Variants in AKAP13 observed in about 807,000 individuals in gnomAD.
AKAP13 encodes A-kinase anchor protein 13.
AKAP13 carries 80 observed loss-of-function variants against 264.5 expected under a neutral mutation model. The ratio of observed to expected loss-of-function variants is 0.30; its 90% CI spans 0.25 to 0.36. AKAP13 has a LOEUF of 0.36. Among genes scored for constraint, AKAP13 ranks in the 10% least tolerant of loss-of-function variants. AKAP13 has a pLI of 1.00. For synonymous variants in AKAP13, 1,380 were observed against 1,250.2 expected, an observed-to-expected ratio of 1.10 and a Z score of -2.19; for missense variants, 3,712 against 3,435.2, an observed-to-expected ratio of 1.08 and a Z score of -2.01.
chr15:85,686,222 A>G (rs909642054), intron 16 of AKAP13, among the ~76,000 whole-genome samples: 1 of 152,002 alleles, frequency 6.6e-6, no homozygotes, highest in Non-Finnish European at 1.5e-5. Context: ...ATACATGTAC[A>G]TACAGATATA....
chr15:85,610,825 A>T (rs2080577800), intron 8 of AKAP13, among the ~76,000 whole-genome samples: 1 of 151,722 alleles, frequency 6.6e-6, no homozygotes, highest in African/African-American at 2.4e-5. Flanking sequence ...CTAAAAATAA[A>T]AAAATTAGCC....
intron 7 of AKAP13, among the ~76,000 whole-genome samples, chr15:85,584,711 C>T (rs2079268185): frequency 1.3e-5 from 2 of 152,162 alleles, no homozygotes; most frequent in Admixed American, 6.5e-5. Flanking sequence ...TTGTACATGT[C>T]ATGTGCTCCT....
intron 2 of AKAP13, among the ~76,000 whole-genome samples, chr15:85,504,694 CAAAA>C (rs60149423): frequency 4.7e-5 from 5 of 105,710 alleles, no homozygotes; most frequent in African/African-American, 1.4e-4. Context: ...ACCCTGTCTC[CAAAA>C]AAAAAAAAAA....
At position 85,627,654 on chromosome 15, in the gene AKAP13, G is replaced by A. The variant is rs181205711; in HGVS notation, c.4162-11720G>A. On this transcript the variant is annotated intron_variant, in intron 8 of 36. Coordinates refer to ENST00000394518, the MANE Select transcript of AKAP13 (RefSeq NM_007200.5). Reference sequence around the variant, plus strand: ...ATCTCCTGTTGTTCTTCCTTGCTCAGTTTACATTTCTGGATACTGTTGGGC... The same window carrying A: ...ATCTCCTGTTGTTCTTCCTTGCTCAATTTACATTTCTGGATACTGTTGGGC... 27 of 152,302 alleles carry A rather than the reference G, an allele frequency of 1.8e-4. No individual in the cohort carries two copies. In the East Asian group the frequency reaches 5.2e-3, roughly 29 times the overall value. The allele number at this position is 152,302 out of a possible 1,614,324, so 9.4% of individuals were successfully genotyped here.
chr15:85,702,936 T>C (rs1255434185), intron 17 of AKAP13, among the ~76,000 whole-genome samples: 1 of 152,254 alleles, frequency 6.6e-6, no homozygotes, highest in Non-Finnish European at 1.5e-5. Flanking sequence ...GAATTTGTTA[T>C]GTTCAGGTTT....
At chr15:85,457,055 G>C (rs2074305581) in intron 1 of AKAP13, among the ~76,000 whole-genome samples, 1 of 152,178 alleles carries the variant, frequency 6.6e-6, no homozygotes, top group Non-Finnish European at 1.5e-5. Context: ...AAGAGGACAT[G>C]ATCCCCTTTT....
intron 8 of AKAP13, among the ~76,000 whole-genome samples, chr15:85,637,932 G>C (rs2082138123): frequency 7.0e-6 from 1 of 143,268 alleles, no homozygotes; most frequent in South Asian, 2.2e-4. Context: ...CTGGAGTGCA[G>C]TGGCGCGATC....
At chr15:85,682,070 A>T in intron 14 of AKAP13, 88 bp from the exon 15 acceptor site, 2 of 1,254,654 alleles carry the variant, frequency 1.6e-6, no homozygotes, top group South Asian at 1.2e-5. Flanking sequence ...TTTTTGCTTT[A>T]GCTGTGTCAT....
Position 85,639,363 on chromosome 15 carries a change from TTTTC to T in AKAP13, c.4162-6_4162-3del. On this transcript the variant is annotated splice_polypyrimidine_tract_variant and splice_region_variant and intron_variant, in intron 8 of 36. Transcript: ENST00000394518. ...CAATGTCTGAAACTCTGTGTTTTCTTTTTCTTTCAGATAAACCGAGAAAACTGGT... is the reference window on the plus strand; with the variant it reads ...CAATGTCTGAAACTCTGTGTTTTCTTTTTCAGATAAACCGAGAAAACTGGT... 6.3e-7 allele frequency: 1 copy of T among 1,598,434 alleles called. No homozygotes were observed. Among genetic ancestry groups the T allele is most frequent in the Non-Finnish European group, 8.5e-7 (1 of 1,170,090 alleles).
At chr15:85,740,442 T>C in intron 34 of AKAP13, 170 bp downstream of exon 34, 1 of 660,434 alleles carries the variant, frequency 1.5e-6, no homozygotes, top group Non-Finnish European at 2.5e-6. Context: ...TGCATCGACC[T>C]TCCAGGACTA....
At chr15:85,381,355 G>C (rs531392412) in intron 1 of AKAP13, among the ~76,000 whole-genome samples, 1 of 152,138 alleles carries the variant, frequency 6.6e-6, no homozygotes, top group South Asian at 2.1e-4. Context: ...GCGGCTTCTC[G>C]GGGGTGCGGC....
chr15:85,704,449 T>C (rs778489103), intron 17 of AKAP13, among the ~76,000 whole-genome samples: 1 of 152,184 alleles, frequency 6.6e-6, no homozygotes, highest in Non-Finnish European at 1.5e-5. Flanking sequence ...TGGTGGTTGG[T>C]GGCATGGGTT....
rs527972800 is a variant in AKAP13 at position 85,666,700 on chromosome 15, C to T, written c.4992+1945C>T. 3.3e-5 allele frequency among the ~76,000 whole-genome samples: 5 copies of T among 152,324 alleles called. No individual in the cohort carries two copies. The South Asian group carries it at 6.2e-4, about 19-fold the overall frequency. On this transcript the variant is annotated intron_variant, in intron 13 of 36. Transcript: ENST00000394518. ...AAGTGCTGGCATTACAGGTGTGAGC[C>T]ACTGTGCCTGGCCTTTGCCTTCTCT...
At chr15:85,548,928 C>CAAG (rs1042566598) in intron 5 of AKAP13, among the ~76,000 whole-genome samples, 1 of 144,506 alleles carries the variant, frequency 6.9e-6, no homozygotes, top group Non-Finnish European at 1.5e-5. Context: ...TTTGGTCTCA[C>CAAG]AAGAAGAAGA....
At chr15:85,415,250 AG>A (rs2072187934) in intron 1 of AKAP13, 1 of 1,568,088 alleles carries the variant, frequency 6.4e-7, no homozygotes. Flanking sequence ...AGCAGCTGGA[AG>A]GAAGATGGCG....
At chr15:85,696,370 T>G (rs1170331785) in intron 17 of AKAP13, among the ~76,000 whole-genome samples, 1 of 152,180 alleles carries the variant, frequency 6.6e-6, no homozygotes, top group East Asian at 1.9e-4. Flanking sequence ...CCCCGCTCCC[T>G]TAAGAAACCT....
At chr15:85,511,630 A>G (rs2076425635) in intron 2 of AKAP13, among the ~76,000 whole-genome samples, 2 of 151,902 alleles carry the variant, frequency 1.3e-5, no homozygotes, top group Admixed American at 1.3e-4. Context: ...TCATCAAATT[A>G]TTATTATTGT....
chr15:85,591,094 T>G (rs1413349667), intron 8 of AKAP13, among the ~76,000 whole-genome samples: 2 of 152,220 alleles, frequency 1.3e-5, no homozygotes, highest in African/African-American at 4.8e-5. Context: ...TGAAAGAACC[T>G]TAAAGATTTT....
In AKAP13 at chr15:85,745,499, T is replaced by C. The variant is rs1567229202; in HGVS notation, c.*822T>C. On this transcript the variant is annotated 3_prime_UTR_variant, in exon 37 of 37. Coordinates refer to ENST00000394518, the MANE Select transcript of AKAP13 (RefSeq NM_007200.5). Reference sequence around the variant, plus strand: ...TTCCAGCATGTTTACCCACATGTTTTGGCCATGGATAAAGTGAAGAGGCCT... The same window carrying C: ...TTCCAGCATGTTTACCCACATGTTTCGGCCATGGATAAAGTGAAGAGGCCT... 1 of 152,202 alleles carries C rather than the reference T, an allele frequency of 6.6e-6. No homozygotes were observed. Among genetic ancestry groups the C allele is most frequent in the East Asian group, 1.9e-4 (1 of 5,190 alleles). The allele number at this position is 152,202 out of a possible 1,614,324, so 9.4% of individuals were successfully genotyped here.
Sources: allele counts gnomAD v4.1 joint callset (sites outside exome capture counted in the v4.1 genomes callset), GRCh38; gene constraint gnomAD v4.1.1; transcripts MANE v1.5; gene names NCBI Gene and HGNC (gene_info 2026-07-23, HGNC 2026-07-21).